Variants in PHKB observed in about 807,000 individuals in gnomAD.
PHKB encodes the protein phosphorylase kinase regulatory subunit beta.
In PHKB, 122 loss-of-function variants were observed where a neutral mutation model predicts 152.1. The observed-to-expected ratio is 0.80, with a 90% confidence interval of 0.69 to 0.93. PHKB has a LOEUF of 0.93. PHKB is among the 40% of genes least tolerant of loss of function. The pLI, the probability that PHKB is intolerant of heterozygous loss-of-function variation, is 0.00. For missense variants in PHKB, 1,304 were observed against 1,328.4 expected, an observed-to-expected ratio of 0.98 and a Z score of 0.29; for synonymous variants, 436 against 464.9, an observed-to-expected ratio of 0.94 and a Z score of 0.80.
chr16:47,563,863 T>C (rs1425855545), intron 7 of PHKB, among the ~76,000 whole-genome samples: 2 of 152,110 alleles, frequency 1.3e-5, no homozygotes, highest in Non-Finnish European at 2.9e-5. Flanking sequence ...CTGTATGCCT[T>C]TGTGTACCCT....
chr16:47,549,984 G>A (rs1289409476), intron 7 of PHKB, among the ~76,000 whole-genome samples: 4 of 152,056 alleles, frequency 2.6e-5, no homozygotes, highest in African/African-American at 4.8e-5. Context: ...GAAGTTTGTC[G>A]TTTAAGTTTG....
chr16:47,561,049 G>T (rs1045261685), intron 7 of PHKB, among the ~76,000 whole-genome samples: 31 of 152,250 alleles, frequency 2.0e-4, no homozygotes, highest in Non-Finnish European at 1.2e-4. Flanking sequence ...TTAGTTTAAG[G>T]TGCCACATGT....
chr16:47,466,194 C>T (rs1247262149), intron 1 of PHKB, among the ~76,000 whole-genome samples: 1 of 152,072 alleles, frequency 6.6e-6, no homozygotes, highest in Non-Finnish European at 1.5e-5. Flanking sequence ...GTTTTGACTG[C>T]TTAAACTAAA....
intron 1 of PHKB, among the ~76,000 whole-genome samples, chr16:47,477,724 T>A (rs2151631929): frequency 6.6e-6 from 1 of 152,336 alleles, no homozygotes; most frequent in Admixed American, 6.5e-5. Context: ...CTCTGACTGC[T>A]TTTACCCCTT....
chr16:47,660,452 A>C, intron 20 of PHKB, 54 bp from the exon 21 acceptor site: 5 of 1,373,200 alleles, frequency 3.6e-6, no homozygotes, highest in East Asian at 2.3e-5. Context: ...ACAGGCCATT[A>C]GAGTATGGCT....
chr16:47,648,168 G>A (rs1466117866), intron 16 of PHKB, among the ~76,000 whole-genome samples: 2 of 152,086 alleles, frequency 1.3e-5, no homozygotes, highest in Non-Finnish European at 2.9e-5. Context: ...AATTTAGTAG[G>A]AGATTATGGC....
intron 5 of PHKB, among the ~76,000 whole-genome samples, chr16:47,513,684 C>T (rs1415064057): frequency 1.3e-5 from 2 of 152,166 alleles, no homozygotes; most frequent in Non-Finnish European, 2.9e-5. Flanking sequence ...TCATGGGAGA[C>T]ATAGCCACTG....
chr16:47,667,429 T>C (rs1240996798), intron 25 of PHKB, among the ~76,000 whole-genome samples: 1 of 151,934 alleles, frequency 6.6e-6, no homozygotes, highest in East Asian at 1.9e-4. Flanking sequence ...ACCCTGTCGT[T>C]TAAAGAAATT....
At chr16:47,667,852 A>G (rs1973566471) in intron 25 of PHKB, among the ~76,000 whole-genome samples, 2 of 152,204 alleles carry the variant, frequency 1.3e-5, no homozygotes, top group African/African-American at 4.8e-5. Flanking sequence ...GGGGGCTTGC[A>G]GCCTGTGGTC....
rs769267862 is a variant in PHKB, at chr16:47,650,591, A to C, written c.1845A>C (p.Pro615=). 3.7e-6 allele frequency: 6 copies of C among 1,611,478 alleles called. No homozygotes were observed. The African/African-American group carries it at 8.0e-5, about 22-fold the overall frequency. The change falls in exon 19 of 31, where the codon CCA becomes CCC. Residue 615 remains proline (P), a synonymous_variant. Transcript: ENST00000323584. ...AATATTGGAAAATGCATGGACGTCC[A>C]CTTTTCCTTGTTCTCATCCGGGAAG... is the stretch of plus-strand genomic sequence containing the variant. The part of the protein sequence containing the change: ...IKQYWKMHGR[P]LFLVLIREDN...
In PHKB at chr16:47,499,729, C is replaced by T. The variant is rs183896195; in HGVS notation, c.167-27C>T. 4.3e-6 allele frequency: 7 copies of T among 1,613,702 alleles called. No individual in the cohort carries two copies. The East Asian group carries it at 1.6e-4, about 36-fold the overall frequency. On this transcript the variant is annotated intron_variant, in intron 2 of 30. Transcript: ENST00000323584. The stretch of plus-strand genomic sequence containing the variant: ...AAGGAAAGTCGCTGACTGTACAGTT[C>T]ATTCTTTGTCTTGTCCTCAATTGCA...
Position 47,648,522 on chromosome 16 carries a change from G to A in PHKB, c.1609-11G>A, listed in dbSNP as rs1973175656. The stretch of plus-strand genomic sequence containing the variant: ...TTACCTGACTCTAATTTACAAACTT[G>A]TGTCTTACAGGCTTATTTGCAGCTG... On this transcript the variant is annotated splice_polypyrimidine_tract_variant and intron_variant, in intron 16 of 30. Transcript: ENST00000323584. 1.3e-6 allele frequency: 2 copies of A among 1,592,390 alleles called. No homozygotes were observed. Among genetic ancestry groups the A allele is most frequent in the African/African-American group, 1.3e-5 (1 of 74,514 alleles).
chr16:47,584,232 A>C (rs1276812929), intron 8 of PHKB, among the ~76,000 whole-genome samples: 1 of 152,160 alleles, frequency 6.6e-6, no homozygotes. Context: ...TCAATATGGG[A>C]ATCACATATT....
intron 10 of PHKB, among the ~76,000 whole-genome samples, chr16:47,589,805 G>A (rs1807597888): frequency 6.6e-6 from 1 of 152,200 alleles, no homozygotes; most frequent in African/African-American, 2.4e-5. Flanking sequence ...TTCCTTTTGA[G>A]ATGGAGTCTT....
chr16:47,634,555 C>G (rs1182404614), intron 14 of PHKB, among the ~76,000 whole-genome samples: 2 of 152,168 alleles, frequency 1.3e-5, no homozygotes, highest in African/African-American at 4.8e-5. Flanking sequence ...AAGTGGTAGA[C>G]TGGGGTTGGA....
chr16:47,486,214 G>A (rs1033309741), intron 1 of PHKB, among the ~76,000 whole-genome samples: 1 of 152,146 alleles, frequency 6.6e-6, no homozygotes. Context: ...ACAATTAACT[G>A]CTGTGGGAAT....
chr16:47,696,608 C>T (rs1974152287), intron 29 of PHKB, 120 bp downstream of exon 29: 1 of 716,924 alleles, frequency 1.4e-6, no homozygotes, highest in South Asian at 1.5e-5. Context: ...CCCGATCTCT[C>T]CTGTGAGACC....
Position 47,565,218 on chromosome 16 carries a change from C to A in PHKB, c.711-15077C>A, listed in dbSNP as rs1971545496. Reference sequence around the variant, plus strand: ...TCAGGTGCAGATCTGGACTCTTGATCCTTTTTGCCATCTTTCCTATCTGAC... The same window carrying A: ...TCAGGTGCAGATCTGGACTCTTGATACTTTTTGCCATCTTTCCTATCTGAC... On this transcript the variant is annotated intron_variant, in intron 7 of 30. Coordinates refer to ENST00000323584, the MANE Select transcript of PHKB (RefSeq NM_000293.3). The A allele has an allele frequency of 1.8e-5, 12 of 651,216 alleles. No homozygotes were observed. In the Admixed American group the frequency reaches 2.2e-4, roughly 12 times the overall value. The allele number at this position is 651,216 out of a possible 1,614,324, so 40.3% of individuals were successfully genotyped here. A position where few individuals can be genotyped will look rare whatever the true frequency, so the allele number is the denominator to read the frequency against.
At chr16:47,688,101 G>T (rs1218189466) in intron 26 of PHKB, among the ~76,000 whole-genome samples, 3 of 152,182 alleles carry the variant, frequency 2.0e-5, no homozygotes, top group Non-Finnish European at 2.9e-5. Context: ...GAGAAGGCGT[G>T]GGGGAGAAAG....
Sources: gnomAD v4.1 joint callset for allele counts (sites outside exome capture counted in the v4.1 genomes callset) on GRCh38, gnomAD v4.1.1 for gene constraint, MANE v1.5 for transcripts, NCBI Gene and HGNC (gene_info 2026-07-23, HGNC 2026-07-21) for gene names.